Variants in CREBBP observed in about 807,000 individuals in gnomAD.
The protein encoded by CREBBP is CREB binding lysine acetyltransferase.
Under a neutral mutation model 265.0 loss-of-function variants are expected in CREBBP, and 19 were observed. The observed-to-expected ratio is 0.07, with a 90% CI of 0.05 to 0.11. The LOEUF (loss-of-function observed/expected upper bound fraction) is 0.11. CREBBP is among the 10% of genes least tolerant of loss of function. The pLI is 1.00. For synonymous variants in CREBBP, 1,457 were observed against 1,223.7 expected (o/e 1.19, Z -3.98); for missense variants, 2,525 against 3,219.0 (o/e 0.78, Z 5.22).
rs1207183178 is a variant in CREBBP, at chr16:3,740,489, C to A, written c.4043G>T (p.Arg1348Leu). 6.2e-7 allele frequency: 1 copy of A among 1,614,160 alleles called. No individual in the cohort carries two copies. The highest frequency in any genetic ancestry group is 8.5e-7 in the Non-Finnish European group (1 of 1,180,018). The change falls in exon 24 of 31, where the codon CGC (arginine) becomes CTC (leucine). Residue 1348 changes from arginine (R) to leucine (L), a missense_variant. Physicochemically the swap from Arg to Leu is moderately radical, Grantham distance 102. Transcript: ENST00000262367. ...LEDRVNKFLR[R>L]QNHPEAGEVF... is the part of the protein sequence containing the mutation. ...CTCCCCGGCTTCAGGGTGATTCTGG[C>A]GCCGCAAAAATTTGTTCACTCGGTC...
Position 3,729,156 on chromosome 16 carries a change from C to T in CREBBP, c.5891G>A (p.Arg1964His), listed in dbSNP as rs867327595. The change falls in exon 31 of 31, where the codon CGT becomes CAT. Residue 1964 changes from arginine (R) to histidine (H), a missense_variant. Coordinates refer to ENST00000262367, the MANE Select transcript of CREBBP (RefSeq NM_004380.3). ...AAVEAARQIE[R>H]EAQQQQHLYR... is the part of the protein sequence containing the mutation. ...CAGGTGCTGCTGCTGCTGGGCCTCA[C>T]GCTCGATCTGCCGAGCCGCTTCCAC... 23 of 1,548,572 alleles carry T rather than the reference C, an allele frequency of 1.5e-5. No individual in the cohort carries two copies. In the South Asian group the frequency reaches 2.3e-4, roughly 16 times the overall value.
In CREBBP at chr16:3,791,971, G is replaced by A. The variant is rs757578337; in HGVS notation, c.1330+10C>T. The A allele has an allele frequency of 6.3e-7, 1 of 1,596,944 alleles. No homozygotes were observed. Among genetic ancestry groups the A allele is most frequent in the South Asian group, 1.1e-5 (1 of 90,746 alleles). ...CATCTCCAAGCTTCTCTGCCCCCGT[G>A]CTCACTTACTTTGTTGGTTTCGCTT... On this transcript the variant is annotated intron_variant, in intron 5 of 30. Coordinates refer to ENST00000262367, the MANE Select transcript of CREBBP (RefSeq NM_004380.3).
rs899515464 is a variant in CREBBP, at chr16:3,793,102, G to A, written c.1216+284C>T. Among the ~76,000 whole-genome samples the A allele has an allele frequency of 5.3e-5, 8 of 152,230 alleles. No homozygotes were observed. The East Asian group carries it at 5.8e-4, about 11-fold the overall frequency. On this transcript the variant is annotated intron_variant, in intron 4 of 30. Coordinates refer to ENST00000262367, the MANE Select transcript of CREBBP (RefSeq NM_004380.3). ...GCTCAAGAAGTGACCAATGTCTTCC[G>A]TGACAGAGGAAGGAGGAAAAGAACA...
chr16:3,836,210 C>T (rs186103525), intron 2 of CREBBP, among the ~76,000 whole-genome samples: 4 of 151,460 alleles, frequency 2.6e-5, no homozygotes, highest in East Asian at 3.9e-4. Flanking sequence ...CTGAGGTGGG[C>T]GGATCACTAG....
Position 3,778,056 on chromosome 16 carries a change from C to G in CREBBP, c.2068G>C (p.Ala690Pro), listed in dbSNP as rs531539047. Residue 690 changes from alanine (A) to proline (P), a missense_variant, in exon 10 of 31, where the codon GCT becomes CCT. Physicochemically the swap from Ala to Pro is conservative, Grantham distance 27. Around this residue, in one of 19 missense-constraint regions of CREBBP, gnomAD observed 548 missense variants for 533.0 expected, o/e 1.03. Transcript: ENST00000262367. Reference sequence around the variant, plus strand: ...GCCTGTGGAATCACAGGGGGCTGAGCCCCCGGGGCTGGTAAGGCTGGCTGG... The same window carrying G: ...GCCTGTGGAATCACAGGGGGCTGAGGCCCCGGGGCTGGTAAGGCTGGCTGG... Reference protein sequence around the residue: ...GNQPALPAPGAQPPVIPQAQP... With the variant: ...GNQPALPAPGPQPPVIPQAQP... 3.7e-6 allele frequency: 6 copies of G among 1,614,044 alleles called. No individual in the cohort carries two copies. The highest frequency in any genetic ancestry group is 5.1e-6 in the Non-Finnish European group (6 of 1,180,018).
chr16:3,876,399 C>CAAAAAAAAAAAAA (rs71133663), intron 1 of CREBBP, among the ~76,000 whole-genome samples: 10 of 18,156 alleles, frequency 5.5e-4, no homozygotes, highest in African/African-American at 1.5e-3. Flanking sequence ...TAAAGCTGAC[C>CAAAAAAAAAAAAA]AAAAAAAAAA....
At chr16:3,875,171 C>T (rs1014936569) in intron 1 of CREBBP, among the ~76,000 whole-genome samples, 1 of 152,174 alleles carries the variant, frequency 6.6e-6, no homozygotes, top group Admixed American at 6.5e-5. Context: ...ATTCTGTTTA[C>T]AGAATCAAAT....
intron 1 of CREBBP, among the ~76,000 whole-genome samples, chr16:3,866,378 C>T (rs553199954): frequency 3.9e-5 from 6 of 152,166 alleles, no homozygotes; most frequent in Non-Finnish European, 5.9e-5. Flanking sequence ...GATGATCAGA[C>T]GCCACACTAA....
intron 30 of CREBBP, 108 bp from the exon 31 acceptor site, chr16:3,729,982 C>T: frequency 6.5e-7 from 1 of 1,536,104 alleles, no homozygotes; most frequent in Non-Finnish European, 8.7e-7. Context: ...CCAGGAGACC[C>T]AGGCAGGATA....
intron 9 of CREBBP, among the ~76,000 whole-genome samples, chr16:3,778,392 C>T (rs2053195777): frequency 6.6e-6 from 1 of 152,154 alleles, no homozygotes; most frequent in Admixed American, 6.6e-5. Context: ...AATACATGTT[C>T]CATTTCATTC....
intron 13 of CREBBP, among the ~76,000 whole-genome samples, chr16:3,771,402 A>G (rs1281514683): frequency 6.6e-6 from 1 of 152,082 alleles, no homozygotes; most frequent in Non-Finnish European, 1.5e-5. Flanking sequence ...TTTTCTTGGG[A>G]GTGTTCTGCT....
chr16:3,756,434 A>G (rs1293635460), intron 19 of CREBBP, among the ~76,000 whole-genome samples: 1 of 152,268 alleles, frequency 6.6e-6, no homozygotes. Flanking sequence ...GTGGGAAACC[A>G]CAACAAAAAA....
chr16:3,793,510 A>G lies in CREBBP; in HGVS notation c.1092T>C (p.Ala364=), dbSNP rs768721303. 39 of 1,614,176 alleles carry G rather than the reference A, an allele frequency of 2.4e-5. No homozygotes were observed. The highest frequency in any genetic ancestry group is 3.2e-5 in the Non-Finnish European group (38 of 1,180,024). The change falls in exon 4 of 31, where the codon GCT becomes GCC. Residue 364 remains alanine, a synonymous_variant. Transcript: ENST00000262367. The part of the protein sequence containing the change: ...IQQQLVLLLH[A]HKCQRREQAN... ...CTTGCTCTCGTCTCTGACACTTATG[A>G]GCATGAAGCAGTAGAACCAGCTGCT...
At chr16:3,872,066 G>T (rs937110746) in intron 1 of CREBBP, among the ~76,000 whole-genome samples, 1 of 152,050 alleles carries the variant, frequency 6.6e-6, no homozygotes, top group African/African-American at 2.4e-5. Flanking sequence ...AATGTCACAC[G>T]GGATAATATC....
Position 3,769,312 on chromosome 16 carries a change from G to T in CREBBP, c.2922C>A (p.Thr974=), listed in dbSNP as rs2141192308. Residue 974 remains threonine, a synonymous_variant, in exon 15 of 31, where the codon ACC becomes ACA. Coordinates refer to ENST00000262367, the MANE Select transcript of CREBBP (RefSeq NM_004380.3). ...AAASIDNRVP[T]PSSVASAETN... ...TTTCTGCGCTGGCCACCGAGGAGGG[G>T]GTAGGGACTCTGTTATCAATGCTGG... The T allele has an allele frequency of 6.2e-7, 1 of 1,614,170 alleles. No homozygotes were observed. The highest frequency in any genetic ancestry group is 1.1e-5 in the South Asian group (1 of 91,078).
chr16:3,736,388 C>A, intron 27 of CREBBP, 185 bp from the exon 28 acceptor site: 1 of 759,166 alleles, frequency 1.3e-6, no homozygotes, highest in Non-Finnish European at 2.2e-6. Flanking sequence ...TGCTGGAGCC[C>A]CTATGTGTGC....
At chr16:3,821,668 G>A (rs999821006) in intron 2 of CREBBP, among the ~76,000 whole-genome samples, 12 of 151,914 alleles carry the variant, frequency 7.9e-5, no homozygotes, top group Non-Finnish European at 1.5e-4. Flanking sequence ...AACTTCACAC[G>A]GGCAATGGAA....
At chr16:3,767,054 C>T (rs764063117) in intron 16 of CREBBP, among the ~76,000 whole-genome samples, 2 of 152,172 alleles carry the variant, frequency 1.3e-5, no homozygotes, top group Non-Finnish European at 2.9e-5. Context: ...TCCTGTCTCC[C>T]ATTTCTAAGG....
chr16:3,791,430 G>A (rs149029865), intron 5 of CREBBP, among the ~76,000 whole-genome samples: 13 of 152,280 alleles, frequency 8.5e-5, no homozygotes, highest in East Asian at 7.7e-4. Flanking sequence ...CAGAGTGAAC[G>A]TTTAGTTATA....
Sources: allele counts gnomAD v4.1 joint callset (sites outside exome capture counted in the v4.1 genomes callset), GRCh38; gene constraint gnomAD v4.1.1; regional missense constraint gnomAD v4.1.1; transcripts MANE v1.5; gene names NCBI Gene and HGNC (gene_info 2026-07-23, HGNC 2026-07-21).